Variants in SCUBE3 observed in about 807,000 individuals in gnomAD.
The protein encoded by SCUBE3 is signal peptide, CUB and EGF-like domain-containing protein 3.
Under a neutral mutation model 116.8 loss-of-function variants are expected in SCUBE3, and 33 were observed. The observed-to-expected ratio is 0.28, with a 90% CI of 0.21 to 0.38. The LOEUF (loss-of-function observed/expected upper bound fraction) is 0.38, where lower values mean the gene tolerates loss of function less well. Ranked by LOEUF, SCUBE3 falls within the 10% of genes least tolerant of loss-of-function variation. The pLI is 1.00. For synonymous variants in SCUBE3, 418 were observed against 496.9 expected, an observed-to-expected ratio of 0.84 and a Z score of 2.11; for missense variants, 1,007 against 1,324.8, an observed-to-expected ratio of 0.76 and a Z score of 3.72.
At position 35,239,227 on chromosome 6, in the gene SCUBE3, C is replaced by G. The variant is rs1169396220; in HGVS notation, c.830-525C>G. On this transcript the variant is annotated intron_variant, in intron 7 of 21. Transcript: ENST00000274938. The surrounding 1 kb of genome is among the most constrained non-coding windows in gnomAD (Gnocchi z 4.1). The stretch of plus-strand genomic sequence containing the variant: ...TCACTGGCTCTCCTGGAGGTCCTCC[C>G]TGCCTGGCCTCTTTCCCAGCTCCTC... Among the ~76,000 whole-genome samples the G allele has an allele frequency of 6.6e-6, 1 of 152,216 alleles. No individual in the cohort carries two copies. Among genetic ancestry groups the G allele is most frequent in the South Asian group, 2.1e-4 (1 of 4,802 alleles).
At position 35,245,331 on chromosome 6, in the gene SCUBE3, C is replaced by T; in HGVS notation, c.2505C>T (p.Asn835=). ...PAGVECIWNI[N]PPPKRKILIV... ...GTGTGGAGTGCATCTGGAACATCAA[C>T]CCCCCACCCAAGCGCAAGATCCTTA... The change falls in exon 19 of 22, where the codon AAC becomes AAT. Residue 835 remains asparagine (N), a synonymous_variant. Coordinates refer to ENST00000274938, the MANE Select transcript of SCUBE3 (RefSeq NM_152753.4). This position sits in a 1 kb window ranked among gnomAD's most constrained non-coding sequence, Gnocchi z 4.2. 3.1e-6 allele frequency: 5 copies of T among 1,614,090 alleles called. No homozygotes were observed. Among genetic ancestry groups the T allele is most frequent in the South Asian group, 2.2e-5 (2 of 91,084 alleles).
intron 1 of SCUBE3, chr6:35,218,104 G>T: frequency 6.1e-6 from 6 of 984,296 alleles, no homozygotes; most frequent in Non-Finnish European, 7.2e-6. Context: ...CCTCAAATGA[G>T]ATTGTTTTTT....
rs1167935308 is a variant in SCUBE3, at chr6:35,231,714, A to G, written c.335-11A>G. The stretch of plus-strand genomic sequence containing the variant: ...TACCCCATGACCCCACTGACTACCT[A>G]TCCTGCACAGATGTGGACGAGTGTG... On this transcript the variant is annotated splice_polypyrimidine_tract_variant and intron_variant, in intron 3 of 21. Coordinates refer to ENST00000274938, the MANE Select transcript of SCUBE3 (RefSeq NM_152753.4). This position sits in a 1 kb window ranked among gnomAD's most constrained non-coding sequence, Gnocchi z 4.2. The G allele has an allele frequency of 2.5e-6, 4 of 1,606,232 alleles. No homozygotes were observed. The highest frequency in any genetic ancestry group is 2.6e-6 in the Non-Finnish European group (3 of 1,174,078).
rs551524736 is a variant in SCUBE3, at chr6:35,220,182, C to G, written c.85+5679C>G. Among the ~76,000 whole-genome samples the G allele has an allele frequency of 7.9e-5, 12 of 152,302 alleles. No individual in the cohort carries two copies. The South Asian group carries it at 2.5e-3, about 32-fold the overall frequency. On this transcript the variant is annotated intron_variant, in intron 1 of 21. Transcript: ENST00000274938. ...ATGACTAAGGCATGGATTCCTCCCT[C>G]AAGTGCTTAGAGAACACAGTGGGTA...
At chr6:35,237,775 T>C (rs1487087571) in intron 6 of SCUBE3, 127 bp from the exon 7 acceptor site, 5 of 631,636 alleles carry the variant, frequency 7.9e-6, no homozygotes. Context: ...GGCTTAATGC[T>C]CCTTCTAAAG....
chr6:35,243,311 G>A lies in SCUBE3; in HGVS notation c.1909+75G>A. The stretch of plus-strand genomic sequence containing the variant: ...CCTGACTCAGAGCAGGACCCTTTGT[G>A]GCCTCAGATGCATTTCTCAAATTAT... On this transcript the variant is annotated intron_variant, in intron 15 of 21. Coordinates refer to ENST00000274938, the MANE Select transcript of SCUBE3 (RefSeq NM_152753.4). This position sits in a 1 kb window ranked among gnomAD's most constrained non-coding sequence, Gnocchi z 6.6. The A allele has an allele frequency of 8.0e-7, 1 of 1,250,530 alleles. No individual in the cohort carries two copies. The highest frequency in any genetic ancestry group is 1.2e-6 in the Non-Finnish European group (1 of 869,538). The allele number at this position is 1,250,530 out of a possible 1,614,324, so 77.5% of individuals were successfully genotyped here.
chr6:35,247,438 C>CAAAAA, intron 21 of SCUBE3, among the ~76,000 whole-genome samples: 1 of 121,916 alleles, frequency 8.2e-6, no homozygotes, highest in Admixed American at 8.4e-5. Flanking sequence ...GACTCAGTCT[C>CAAAAA]AAAAAAAAAA....
chr6:35,215,296 G>C (rs868813791), intron 1 of SCUBE3, among the ~76,000 whole-genome samples: 12 of 152,146 alleles, frequency 7.9e-5, no homozygotes, highest in African/African-American at 2.9e-4. Context: ...AGACAGGGAG[G>C]CCTCCCGCCC....
Position 35,233,292 on chromosome 6 carries a change from A to G in SCUBE3, c.703A>G (p.Thr235Ala). ...IKFVLHTDGKTCIETCAVNNG... is the reference protein window; with the variant it reads ...IKFVLHTDGKACIETCAVNNG... ...GTTTGTGCTCCATACCGACGGGAAG[A>G]CATGCATCGGTGGGTGAGGCCAGGG... The change falls in exon 6 of 22, where the codon ACA becomes GCA. Residue 235 changes from threonine to alanine, a missense_variant. Thr to Ala is a moderately conservative substitution (Grantham distance 58). Coordinates refer to ENST00000274938, the MANE Select transcript of SCUBE3 (RefSeq NM_152753.4). This position sits in a 1 kb window ranked among gnomAD's most constrained non-coding sequence, Gnocchi z 5.7. The G allele has an allele frequency of 1.2e-6, 2 of 1,600,646 alleles. No homozygotes were observed. Among genetic ancestry groups the G allele is most frequent in the Non-Finnish European group, 1.7e-6 (2 of 1,167,946 alleles).
rs2150299666 is a variant in SCUBE3 at position 35,233,180 on chromosome 6, C to T, written c.596-5C>T. On this transcript the variant is annotated splice_polypyrimidine_tract_variant and splice_region_variant and intron_variant, in intron 5 of 21. Coordinates refer to ENST00000274938, the MANE Select transcript of SCUBE3 (RefSeq NM_152753.4). This position sits in a 1 kb window ranked among gnomAD's most constrained non-coding sequence, Gnocchi z 5.7. ...CTGACAGGGCCCTGTCCTCTCTGTGCACAGTGACATGCAACTATGGTAACG... is the reference window on the plus strand; with the variant it reads ...CTGACAGGGCCCTGTCCTCTCTGTGTACAGTGACATGCAACTATGGTAACG... 1 of 1,604,650 alleles carries T rather than the reference C, an allele frequency of 6.2e-7. No individual in the cohort carries two copies. The highest frequency in any genetic ancestry group is 8.5e-7 in the Non-Finnish European group (1 of 1,171,536).
Position 35,232,358 on chromosome 6 carries a change from T to C in SCUBE3, c.470-492T>C, listed in dbSNP as rs755996447. 1.3e-5 allele frequency among the ~76,000 whole-genome samples: 2 copies of C among 152,224 alleles called. No homozygotes were observed. The highest frequency in any genetic ancestry group is 2.9e-5 in the Non-Finnish European group (2 of 68,038). ...AGCACCTAACATACTGCCCTGCGTGTAGTGAGAGTTTAATAAATGTTTGTT... is the reference window on the plus strand; with the variant it reads ...AGCACCTAACATACTGCCCTGCGTGCAGTGAGAGTTTAATAAATGTTTGTT... On this transcript the variant is annotated intron_variant, in intron 4 of 21. Coordinates refer to ENST00000274938, the MANE Select transcript of SCUBE3 (RefSeq NM_152753.4). This position sits in a 1 kb window ranked among gnomAD's most constrained non-coding sequence, Gnocchi z 4.2.
chr6:35,233,312 C>T lies in SCUBE3; in HGVS notation c.712+11C>T, dbSNP rs758279186. 4 of 1,528,682 alleles carry T rather than the reference C, an allele frequency of 2.6e-6. No homozygotes were observed. The highest frequency in any genetic ancestry group is 1.1e-5 in the South Asian group (1 of 89,222). 94.7% of individuals were successfully genotyped at this position (1,528,682 alleles called of 1,614,324 possible). A position where few individuals can be genotyped will look rare whatever the true frequency, so the allele number is the denominator to read the frequency against. On this transcript the variant is annotated intron_variant, in intron 6 of 21. Transcript: ENST00000274938. This position sits in a 1 kb window ranked among gnomAD's most constrained non-coding sequence, Gnocchi z 5.7. ...GGAAGACATGCATCGGTGGGTGAGG[C>T]CAGGGGAGAACTCAGTCCACCTGAG... is the stretch of plus-strand genomic sequence containing the variant.
At position 35,246,083 on chromosome 6, in the gene SCUBE3, T is replaced by C. The variant is rs749737375; in HGVS notation, c.2739T>C (p.Tyr913=). ...ANSARGFQIP[Y]VTYDEDYEQL... is the part of the protein sequence containing the mutation. Reference sequence around the variant, plus strand: ...GCGCCCGTGGCTTCCAGATTCCCTATGTTACCTATGATGGTAAGCCAAGGA... The same window carrying C: ...GCGCCCGTGGCTTCCAGATTCCCTACGTTACCTATGATGGTAAGCCAAGGA... The change falls in exon 20 of 22, where the codon TAT becomes TAC. Residue 913 remains tyrosine, a synonymous_variant. Coordinates refer to ENST00000274938, the MANE Select transcript of SCUBE3 (RefSeq NM_152753.4). 6.2e-6 allele frequency: 10 copies of C among 1,614,136 alleles called. No individual in the cohort carries two copies. The East Asian group carries it at 1.1e-4, about 18-fold the overall frequency.
chr6:35,214,528 TG>T lies in SCUBE3; in HGVS notation c.85+30del, dbSNP rs1208802255. ...GGTAAGGAAGGAGGGGCGCGCGGCC[TG>T]GGGGCTGTCCTGGCTGCTGGGCCTC... On this transcript the variant is annotated intron_variant, in intron 1 of 21. Coordinates refer to ENST00000274938, the MANE Select transcript of SCUBE3 (RefSeq NM_152753.4). The surrounding 1 kb of genome is among the most constrained non-coding windows in gnomAD (Gnocchi z 6.3). 15 of 1,423,642 alleles carry T rather than the reference TG, an allele frequency of 1.1e-5. No individual in the cohort carries two copies. The highest frequency in any genetic ancestry group is 2.7e-5 in the South Asian group (2 of 73,038). 88.2% of individuals were successfully genotyped at this position (1,423,642 alleles called of 1,614,324 possible). A position where few individuals can be genotyped will look rare whatever the true frequency, so the allele number is the denominator to read the frequency against.
Position 35,228,176 on chromosome 6 carries a change from G to C in SCUBE3, c.209-438G>C, listed in dbSNP as rs1237103945. 6.6e-6 allele frequency among the ~76,000 whole-genome samples: 1 copy of C among 152,066 alleles called. No individual in the cohort carries two copies. Among genetic ancestry groups the C allele is most frequent in the Non-Finnish European group, 1.5e-5 (1 of 68,014 alleles). On this transcript the variant is annotated intron_variant, in intron 2 of 21. Coordinates refer to ENST00000274938, the MANE Select transcript of SCUBE3 (RefSeq NM_152753.4). This position sits in a 1 kb window ranked among gnomAD's most constrained non-coding sequence, Gnocchi z 4.9. The stretch of plus-strand genomic sequence containing the variant: ...GTGTTGGTGAGACTTTAGTGGACAG[G>C]GTACACTTGTTAATTCCTAGTTGCA...
In SCUBE3 at chr6:35,237,813, C is replaced by T. The variant is rs554056307; in HGVS notation, c.713-89C>T. The T allele has an allele frequency of 2.9e-4, 212 of 736,224 alleles. No individual in the cohort carries two copies. The East Asian group carries it at 4.8e-3, about 17-fold the overall frequency. 45.6% of individuals were successfully genotyped at this position (736,224 alleles called of 1,614,324 possible). A position where few individuals can be genotyped will look rare whatever the true frequency, so the allele number is the denominator to read the frequency against. On this transcript the variant is annotated intron_variant, in intron 6 of 21. Coordinates refer to ENST00000274938, the MANE Select transcript of SCUBE3 (RefSeq NM_152753.4). ...CAGAGAGGCAGCTGAGGCCTTCCCT[C>T]GGGCCTCTGTGGTCTCCACTACCCT...
rs1261112435 is a variant in SCUBE3 at position 35,214,101 on chromosome 6, G to A, written c.-318G>A. Among the ~76,000 whole-genome samples, 1 of 152,162 alleles carries A rather than the reference G, an allele frequency of 6.6e-6. No homozygotes were observed. Among genetic ancestry groups the A allele is most frequent in the Non-Finnish European group, 1.5e-5 (1 of 68,016 alleles). On this transcript the variant is annotated 5_prime_UTR_variant, in exon 1 of 22. Coordinates refer to ENST00000274938, the MANE Select transcript of SCUBE3 (RefSeq NM_152753.4). This position sits in a 1 kb window ranked among gnomAD's most constrained non-coding sequence, Gnocchi z 6.3. ...AGCTGGGAATTGGGTGGGATTACAC[G>A]GAGCAGCCCCGCCGCCGCCGCTGGC... is the stretch of plus-strand genomic sequence containing the variant.
intron 13 of SCUBE3, 143 bp downstream of exon 13, chr6:35,242,463 AG>A (rs1161497123): frequency 1.1e-6 from 1 of 891,924 alleles, no homozygotes; most frequent in African/African-American, 1.7e-5. Flanking sequence ...ATAGCACCCA[AG>A]GAAGTCCCAG....
At position 35,241,701 on chromosome 6, in the gene SCUBE3, G is replaced by A; in HGVS notation, c.1312+42G>A. The A allele has an allele frequency of 6.5e-7, 1 of 1,540,584 alleles. No homozygotes were observed. Among genetic ancestry groups the A allele is most frequent in the African/African-American group, 1.4e-5 (1 of 73,614 alleles). Reference sequence around the variant, plus strand: ...TGCTGGAGAGCTTTGGAGGAGAAAAGAGGAAGGACTGGCCGTTCAGGCAGC... The same window carrying A: ...TGCTGGAGAGCTTTGGAGGAGAAAAAAGGAAGGACTGGCCGTTCAGGCAGC... On this transcript the variant is annotated intron_variant, in intron 11 of 21. Coordinates refer to ENST00000274938, the MANE Select transcript of SCUBE3 (RefSeq NM_152753.4). This position sits in a 1 kb window ranked among gnomAD's most constrained non-coding sequence, Gnocchi z 4.1.
Sources: allele counts gnomAD v4.1 joint callset (sites outside exome capture counted in the v4.1 genomes callset), GRCh38; gene constraint gnomAD v4.1.1; non-coding constraint Gnocchi (gnomAD v3.1); transcripts MANE v1.5; gene names NCBI Gene and HGNC (gene_info 2026-07-23, HGNC 2026-07-21).